PTPRF: variants seen among roughly 807,000 people sequenced by gnomAD.
The protein encoded by PTPRF is receptor-type tyrosine-protein phosphatase F.
A neutral mutation model predicts 201.8 loss-of-function variants in PTPRF; 59 were observed. The observed-to-expected ratio is 0.29, with a 90% confidence interval of 0.24 to 0.36. PTPRF has a LOEUF of 0.36. Ranked by LOEUF, PTPRF falls within the 10% of genes least tolerant of loss-of-function variation. PTPRF has a pLI of 1.00. For missense variants in PTPRF, 2,132 were observed against 2,690.5 expected (o/e 0.79, Z 4.59); for synonymous variants, 1,088 against 1,089.7 (o/e 1.00, Z 0.03).
intron 1 of PTPRF, among the ~76,000 whole-genome samples, chr1:43,531,769 C>T (rs1167612874): frequency 6.6e-6 from 1 of 152,136 alleles, no homozygotes; most frequent in Non-Finnish European, 1.5e-5. Flanking sequence ...CTGGAGCGAC[C>T]TGTCCCGTGA....
intron 25 of PTPRF, 60 bp downstream of exon 25, chr1:43,617,971 A>T: frequency 6.6e-7 from 1 of 1,514,224 alleles, no homozygotes; most frequent in Non-Finnish European, 9.0e-7. Context: ...AAGGTGATAC[A>T]GGGCACCTTC....
In PTPRF at chr1:43,603,807, G is replaced by T; in HGVS notation, c.2655G>T (p.Gly885=). ...QHFTVTGLHK[G]TTYIFRLAAK... ...TCACAGTCACCGGCCTGCACAAGGGGACCACCTACATCTTCCGGCTTGCTG... is the reference window on the plus strand; with the variant it reads ...TCACAGTCACCGGCCTGCACAAGGGTACCACCTACATCTTCCGGCTTGCTG... Residue 885 remains glycine, a synonymous_variant, in exon 16 of 34, where the codon GGG becomes GGT. Transcript: ENST00000359947. The surrounding 1 kb of genome is among the most constrained non-coding windows in gnomAD (Gnocchi z 5.8). 1.2e-6 allele frequency: 2 copies of T among 1,614,120 alleles called. No homozygotes were observed. Among genetic ancestry groups the T allele is most frequent in the Non-Finnish European group, 1.7e-6 (2 of 1,180,040 alleles).
At chr1:43,592,005 T>C in intron 10 of PTPRF, 57 bp downstream of exon 10, 1 of 1,603,964 alleles carries the variant, frequency 6.2e-7, no homozygotes, top group Admixed American at 1.7e-5. Context: ...GGGTCTGTGA[T>C]GGGCTTAACC....
intron 1 of PTPRF, among the ~76,000 whole-genome samples, chr1:43,534,138 T>C (rs963027736): frequency 6.6e-6 from 1 of 151,998 alleles, no homozygotes; most frequent in African/African-American, 2.4e-5. Flanking sequence ...GGACTTGAGA[T>C]AGATAAAAAC....
intron 23 of PTPRF, among the ~76,000 whole-genome samples, chr1:43,617,229 A>G (rs531605239): frequency 6.6e-6 from 1 of 152,118 alleles, no homozygotes; most frequent in East Asian, 1.9e-4. Context: ...GGGATTTGGT[A>G]CCATGGTCAG....
chr1:43,538,624 C>T (rs1557664090), intron 2 of PTPRF, among the ~76,000 whole-genome samples: 1 of 152,296 alleles, frequency 6.6e-6, no homozygotes, highest in East Asian at 1.9e-4. Context: ...ACATACAGCT[C>T]GTCAGCTACT....
chr1:43,574,829 A>T (rs1646817902), intron 6 of PTPRF, among the ~76,000 whole-genome samples: 1 of 152,186 alleles, frequency 6.6e-6, no homozygotes, highest in African/African-American at 2.4e-5. Context: ...TATGAGTTAG[A>T]TGGACCTTGT....
intron 22 of PTPRF, 41 bp from the exon 23 acceptor site, chr1:43,613,577 C>A: frequency 6.6e-7 from 1 of 1,517,424 alleles, no homozygotes; most frequent in Non-Finnish European, 9.2e-7. Context: ...ACTGCTCAAG[C>A]CTCACACTAA....
intron 11 of PTPRF, among the ~76,000 whole-genome samples, chr1:43,593,166 C>T (rs778066881): frequency 5.3e-5 from 8 of 150,340 alleles, no homozygotes; most frequent in Non-Finnish European, 8.9e-5. Context: ...ACCACGTGGC[C>T]GTGCAGGGGA....
At chr1:43,592,009 C>T in intron 10 of PTPRF, 61 bp downstream of exon 10, 1 of 1,599,388 alleles carries the variant, frequency 6.3e-7, no homozygotes, top group South Asian at 1.1e-5. Context: ...CTGTGATGGG[C>T]TTAACCCAGG....
chr1:43,592,359 G>C, intron 10 of PTPRF, 98 bp from the exon 11 acceptor site: 16 of 1,417,276 alleles, frequency 1.1e-5, no homozygotes, highest in Non-Finnish European at 1.4e-5. Flanking sequence ...TGGAGCCGTG[G>C]TGGGTCCAGA....
chr1:43,612,944 T>C, intron 22 of PTPRF: 1 of 702,116 alleles, frequency 1.4e-6, no homozygotes, highest in Non-Finnish European at 2.2e-6. Flanking sequence ...TCCCACTGTC[T>C]CCTAACCTTT....
intron 3 of PTPRF, among the ~76,000 whole-genome samples, chr1:43,551,275 G>C (rs1645021629): frequency 6.6e-6 from 1 of 151,966 alleles, no homozygotes. Context: ...TGGGGGAAGA[G>C]TGCACGGTAT....
At chr1:43,535,436 T>C (rs983682810) in intron 1 of PTPRF, among the ~76,000 whole-genome samples, 2 of 152,212 alleles carry the variant, frequency 1.3e-5, no homozygotes, top group Non-Finnish European at 2.9e-5. Context: ...GTGGTCCAGA[T>C]GCACCATGTC....
chr1:43,603,774 C>T lies in PTPRF; in HGVS notation c.2622C>T (p.Asp874=), dbSNP rs747053569. The change falls in exon 16 of 34, where the codon GAC becomes GAT. Residue 874 remains aspartate (D), a synonymous_variant. Coordinates refer to ENST00000359947, the MANE Select transcript of PTPRF (RefSeq NM_002840.5). This position sits in a 1 kb window ranked among gnomAD's most constrained non-coding sequence, Gnocchi z 5.8. The part of the protein sequence containing the change: ...RPNTIDFGKD[D]QHFTVTGLHK... ...ACACCATAGATTTCGGCAAGGATGA[C>T]CAGCACTTCACAGTCACCGGCCTGC... 1 of 1,614,082 alleles carries T rather than the reference C, an allele frequency of 6.2e-7. No individual in the cohort carries two copies. The highest frequency in any genetic ancestry group is 1.1e-5 in the South Asian group (1 of 91,086).
At position 43,597,741 on chromosome 1, in the gene PTPRF, T is replaced by TTCCCCCCCCCCCCCCCCCCC; in HGVS notation, c.1814-7_1814-6insTCCCCCCCCCCCCCCCCCCC. The TTCCCCCCCCCCCCCCCCCCC allele has an allele frequency of 6.6e-7, 1 of 1,517,942 alleles. No homozygotes were observed. The highest frequency in any genetic ancestry group is 9.0e-7 in the Non-Finnish European group (1 of 1,113,574). The allele number at this position is 1,517,942 out of a possible 1,614,324, so 94.0% of individuals were successfully genotyped here. A position where few individuals can be genotyped will look rare whatever the true frequency, so the allele number is the denominator to read the frequency against. ...CTGCTTGCTTCCCCCCCATTTGTCT[T>TTCCCCCCCCCCCCCCCCCCC]CCCCAGCCCCCTCCGCCCCTCCCCA... On this transcript the variant is annotated splice_polypyrimidine_tract_variant and splice_region_variant and intron_variant, in intron 11 of 33. Coordinates refer to ENST00000359947, the MANE Select transcript of PTPRF (RefSeq NM_002840.5).
rs956863423 is a variant in PTPRF, at chr1:43,542,223, T to G, written c.-45-2808T>G. ...AACCGCCTGACACCAGGGCAGGCTCTGTGCCCGGAGTCTCAGGGCGGGAGG... is the reference window on the plus strand; with the variant it reads ...AACCGCCTGACACCAGGGCAGGCTCGGTGCCCGGAGTCTCAGGGCGGGAGG... On this transcript the variant is annotated intron_variant, in intron 2 of 33. Coordinates refer to ENST00000359947, the MANE Select transcript of PTPRF (RefSeq NM_002840.5). The surrounding 1 kb of genome is among the most constrained non-coding windows in gnomAD (Gnocchi z 5.2). 6.6e-6 allele frequency among the ~76,000 whole-genome samples: 1 copy of G among 152,182 alleles called. No individual in the cohort carries two copies. The highest frequency in any genetic ancestry group is 1.5e-5 in the Non-Finnish European group (1 of 68,020).
chr1:43,531,296 C>T (rs1643463895), intron 1 of PTPRF, among the ~76,000 whole-genome samples: 1 of 149,082 alleles, frequency 6.7e-6, no homozygotes. Context: ...CGGCTCCTCC[C>T]CGCTCACCCC....
At chr1:43,579,906 C>T in intron 7 of PTPRF, 1 of 152,248 alleles carries the variant, frequency 6.6e-6, no homozygotes, top group Non-Finnish European at 1.5e-5. Context: ...AACCCCGTCT[C>T]TACTAAAACT....
Sources: allele counts gnomAD v4.1 joint callset (sites outside exome capture counted in the v4.1 genomes callset), GRCh38; gene constraint gnomAD v4.1.1; non-coding constraint Gnocchi (gnomAD v3.1); transcripts MANE v1.5; gene names NCBI Gene and HGNC (gene_info 2026-07-23, HGNC 2026-07-21).